RFX7: variants seen among roughly 807,000 people sequenced by gnomAD.
The protein encoded by RFX7 is DNA-binding protein RFX7.
A neutral mutation model predicts 111.8 loss-of-function variants in RFX7; 26 were observed. The ratio of observed to expected loss-of-function variants is 0.23; its 90% CI spans 0.17 to 0.32. The LOEUF is 0.32. Among genes scored for constraint, RFX7 ranks in the 10% least tolerant of loss-of-function variants. RFX7 has a pLI of 1.00. For synonymous variants in RFX7, 624 were observed against 624.4 expected, an observed-to-expected ratio of 1.00 and a Z score of 0.01; for missense variants, 1,573 against 1,772.9, an observed-to-expected ratio of 0.89 and a Z score of 2.02.
intron 5 of RFX7, among the ~76,000 whole-genome samples, chr15:56,107,766 AAAG>A (rs1177522818): frequency 2.0e-5 from 3 of 152,230 alleles, no homozygotes; most frequent in African/African-American, 2.4e-5. Flanking sequence ...CTGAATGAAT[AAAG>A]AAGAATCAAA....
At position 56,095,853 on chromosome 15, in the gene RFX7, T is replaced by G; in HGVS notation, c.1875A>C (p.Ser625=). 6.2e-7 allele frequency: 1 copy of G among 1,607,074 alleles called. No individual in the cohort carries two copies. The highest frequency in any genetic ancestry group is 2.2e-5 in the East Asian group (1 of 44,880). Residue 625 remains serine (S), a synonymous_variant, in exon 10 of 10, where the codon TCA becomes TCC. Transcript: ENST00000559447. ...TGAAAGTTAAGTTCTGAGAAGCAAC[T>G]GATAGAGTGATAGTGCTTTGATTAT... is the stretch of plus-strand genomic sequence containing the variant. The part of the protein sequence containing the change: ...TGNNQSTITL[S]VASQNLTFTS...
chr15:56,243,227 G>A lies in RFX7; in HGVS notation c.59C>T (p.Pro20Leu). Residue 20 changes from proline (P) to leucine (L), a missense_variant, in exon 2 of 10, where the codon CCC becomes CTC. Pro to Leu is a moderately conservative substitution (Grantham distance 98). Around this residue, in one of 7 missense-constraint regions of RFX7, gnomAD observed 191 missense variants for 194.2 expected, o/e 0.98. Transcript: ENST00000559447. ...CACCCCCGAGTTGGGGGCGCTGGGGGGAAGCTGCTGATGGGCATCAGGCTG... is the reference window on the plus strand; with the variant it reads ...CACCCCCGAGTTGGGGGCGCTGGGGAGAAGCTGCTGATGGGCATCAGGCTG... ...PQQPDAHQQL[P>L]PSAPNSGVAL... The A allele has an allele frequency of 7.5e-7, 1 of 1,326,608 alleles. No homozygotes were observed. Among genetic ancestry groups the A allele is most frequent in the Non-Finnish European group, 1.0e-6 (1 of 1,002,020 alleles). The allele number at this position is 1,326,608 out of a possible 1,614,324, so 82.2% of individuals were successfully genotyped here.
intron 5 of RFX7, among the ~76,000 whole-genome samples, chr15:56,117,152 T>A (rs1231061487): frequency 2.0e-5 from 3 of 152,200 alleles, no homozygotes; most frequent in Non-Finnish European, 4.4e-5. Context: ...AATCTGTATA[T>A]ATTTTCTGTG....
At chr15:56,111,661 C>CAAAAAAAAAAAAAAAAAAAAAA (rs371681721) in intron 5 of RFX7, among the ~76,000 whole-genome samples, 1 of 95,576 alleles carries the variant, frequency 1.0e-5, no homozygotes, top group South Asian at 4.0e-4. Context: ...ATAAATAAAC[C>CAAAAAAAAAAAAAAAAAAAAAA]AAAAAAAAAA....
At chr15:56,172,893 C>G (rs2042860955) in intron 3 of RFX7, among the ~76,000 whole-genome samples, 1 of 152,152 alleles carries the variant, frequency 6.6e-6, no homozygotes, top group Admixed American at 6.5e-5. Context: ...GTACCTGATA[C>G]TGCAGCAACT....
chr15:56,168,832 G>A (rs1256931010), intron 3 of RFX7, among the ~76,000 whole-genome samples: 8 of 152,164 alleles, frequency 5.3e-5, no homozygotes, highest in Admixed American at 3.9e-4. Flanking sequence ...TTGGACTAAA[G>A]GCATAGTGGT....
At position 56,094,166 on chromosome 15, in the gene RFX7, T is replaced by G. The variant is rs764613013; in HGVS notation, c.3562A>C (p.Ile1188Leu). 4.3e-6 allele frequency: 7 copies of G among 1,613,838 alleles called. No individual in the cohort carries two copies. The East Asian group carries it at 1.6e-4, about 36-fold the overall frequency. The change falls in exon 10 of 10, where the codon ATC becomes CTC. Residue 1188 changes from isoleucine (I) to leucine (L), a missense_variant. Ile to Leu is a conservative substitution (Grantham distance 5). Transcript: ENST00000559447. ...SGSTLYPVSNIPRSNVTPFGS... is the reference protein window; with the variant it reads ...SGSTLYPVSNLPRSNVTPFGS... ...AAGGGGGTCACATTAGATCGTGGGA[T>G]ATTAGATACTGGATAGAGGGTGCTT...
In RFX7 at chr15:56,166,237, A is replaced by C. The variant is rs138262959; in HGVS notation, c.195+13033T>G. Reference sequence around the variant, plus strand: ...CTAAAATCTTACTAGGATTGCGTTGAATTACTGAATCCATGAGATAGAAAT... The same window carrying C: ...CTAAAATCTTACTAGGATTGCGTTGCATTACTGAATCCATGAGATAGAAAT... On this transcript the variant is annotated intron_variant, in intron 3 of 9. Coordinates refer to ENST00000559447, the MANE Select transcript of RFX7 (RefSeq NM_022841.7). 5.8e-3 allele frequency among the ~76,000 whole-genome samples: 882 copies of C among 152,310 alleles called. 7 individuals carry two copies. Among genetic ancestry groups the C allele is most frequent in the African/African-American group, 0.02 (830 of 41,554 alleles).
rs531590401 is a variant in RFX7, at chr15:56,196,604, A to G, written c.162-17301T>C. ...TGAAGCCCTAACCCCCAAGTGCTGTATCTGATGGAACGGATACAGCACTCG... is the reference window on the plus strand; with the variant it reads ...TGAAGCCCTAACCCCCAAGTGCTGTGTCTGATGGAACGGATACAGCACTCG... On this transcript the variant is annotated intron_variant, in intron 2 of 9. Transcript: ENST00000559447. Among the ~76,000 whole-genome samples the G allele has an allele frequency of 2.6e-5, 4 of 152,138 alleles. No individual in the cohort carries two copies. In the South Asian group the frequency reaches 8.3e-4, roughly 32 times the overall value.
chr15:56,221,089 C>A (rs1489293082), intron 2 of RFX7, among the ~76,000 whole-genome samples: 2 of 152,090 alleles, frequency 1.3e-5, no homozygotes, highest in Middle Eastern at 3.2e-3. Context: ...CCTTGTATTA[C>A]ATAATAGTTT....
In RFX7 at chr15:56,094,555, T is replaced by G. The variant is rs1203658159; in HGVS notation, c.3173A>C (p.Asp1058Ala). 2 of 1,613,976 alleles carry G rather than the reference T, an allele frequency of 1.2e-6. No homozygotes were observed. The highest frequency in any genetic ancestry group is 1.1e-5 in the South Asian group (1 of 91,088). ...ATTCATCCATTCAAGCTTGGTTTTG[T>G]CAGGGTGTGTGGCCATGGGTCTTTG... is the stretch of plus-strand genomic sequence containing the variant. ...PMQRPMATHP[D>A]KTKLEWMNNG... The change falls in exon 10 of 10, where the codon GAC becomes GCC. Residue 1058 changes from aspartate to alanine, a missense_variant. This residue lies in a region of RFX7 where 32 missense variants were observed against 67.7 expected (regional missense o/e 0.47). Coordinates refer to ENST00000559447, the MANE Select transcript of RFX7 (RefSeq NM_022841.7).
At chr15:56,207,025 A>C (rs1443126331) in intron 2 of RFX7, among the ~76,000 whole-genome samples, 1 of 152,228 alleles carries the variant, frequency 6.6e-6, no homozygotes, top group Non-Finnish European at 1.5e-5. Context: ...TGTAACACAA[A>C]GGATAAATGC....
At chr15:56,164,256 G>A (rs1483699893) in intron 3 of RFX7, among the ~76,000 whole-genome samples, 1 of 152,194 alleles carries the variant, frequency 6.6e-6, no homozygotes, top group Admixed American at 6.5e-5. Flanking sequence ...TTGTGGAAGA[G>A]ATCTAGCTGT....
At chr15:56,132,658 T>C (rs1378958060) in intron 5 of RFX7, among the ~76,000 whole-genome samples, 9 of 152,218 alleles carry the variant, frequency 5.9e-5, no homozygotes, top group African/African-American at 1.9e-4. Context: ...ATAGTAATGT[T>C]ACAAGCTGTG....
At chr15:56,200,042 T>C (rs1285856008) in intron 2 of RFX7, among the ~76,000 whole-genome samples, 1 of 152,160 alleles carries the variant, frequency 6.6e-6, no homozygotes, top group African/African-American at 2.4e-5. Flanking sequence ...TCAAGAAGAA[T>C]ATTTTGTGCC....
At position 56,142,762 on chromosome 15, in the gene RFX7, T is replaced by A. The variant is rs369358558; in HGVS notation, c.401+16A>T. The A allele has an allele frequency of 3.7e-6, 6 of 1,610,182 alleles. No homozygotes were observed. The highest frequency in any genetic ancestry group is 5.1e-6 in the Non-Finnish European group (6 of 1,177,794). ...TCTTTAATATATCAGCATGCCATATTACACATACTACTTACTTGTACTCAT... is the reference window on the plus strand; with the variant it reads ...TCTTTAATATATCAGCATGCCATATAACACATACTACTTACTTGTACTCAT... On this transcript the variant is annotated intron_variant, in intron 5 of 9. Transcript: ENST00000559447.
intron 3 of RFX7, among the ~76,000 whole-genome samples, chr15:56,168,687 G>T (rs925350848): frequency 2.8e-5 from 4 of 144,304 alleles, no homozygotes; most frequent in African/African-American, 7.4e-5. Context: ...GGTAGGGGTA[G>T]CCATGTTGAC....
Position 56,092,701 on chromosome 15 carries a change from CTTGTT to C in RFX7, c.*639_*643del, listed in dbSNP as rs1369267460. On this transcript the variant is annotated 3_prime_UTR_variant, in exon 10 of 10. Transcript: ENST00000559447. ...GCAAGGTCACAAATATAAATGGCTA[CTTGTT>C]TTTTTTCCCTTAAAAATTTTAGTGC... The C allele has an allele frequency of 6.6e-6, 1 of 152,478 alleles. No individual in the cohort carries two copies. Among genetic ancestry groups the C allele is most frequent in the Non-Finnish European group, 1.5e-5 (1 of 67,988 alleles). The allele number at this position is 152,478 out of a possible 1,614,324, so 9.4% of individuals were successfully genotyped here.
At chr15:56,153,465 G>A (rs1215416238) in intron 3 of RFX7, among the ~76,000 whole-genome samples, 2 of 151,824 alleles carry the variant, frequency 1.3e-5, no homozygotes, top group African/African-American at 4.8e-5. Flanking sequence ...AACAACAAAC[G>A]TAATCCATCC....
Sources: gnomAD v4.1 joint callset for allele counts (sites outside exome capture counted in the v4.1 genomes callset) on GRCh38, gnomAD v4.1.1 for gene constraint, gnomAD v4.1.1 regional missense constraint, MANE v1.5 for transcripts, NCBI Gene and HGNC (gene_info 2026-07-23, HGNC 2026-07-21) for gene names.